HBS1L: variants seen among roughly 807,000 people sequenced by gnomAD.
HBS1L encodes HBS1-like protein.
Under a neutral mutation model 88.9 loss-of-function variants are expected in HBS1L, and 55 were observed. The ratio of observed to expected loss-of-function variants is 0.62; its 90% CI spans 0.50 to 0.77. The LOEUF (loss-of-function observed/expected upper bound fraction) is 0.77. Ranked by LOEUF, HBS1L falls within the 30% of genes least tolerant of loss-of-function variation. The pLI, the probability that HBS1L is intolerant of heterozygous loss-of-function variation, is 0.00. For missense variants in HBS1L, 741 were observed against 829.3 expected, an observed-to-expected ratio of 0.89 and a Z score of 1.31; for synonymous variants, 267 against 288.5, an observed-to-expected ratio of 0.93 and a Z score of 0.76.
At chr6:135,052,477 C>T (rs1777116635) in intron 1 of HBS1L, among the ~76,000 whole-genome samples, 1 of 151,388 alleles carries the variant, frequency 6.6e-6, no homozygotes, top group Admixed American at 6.6e-5. Context: ...GAGGCTGAGG[C>T]ACGAGGATTG....
intron 4 of HBS1L, among the ~76,000 whole-genome samples, chr6:135,035,265 CA>C (rs1776499437): frequency 1.3e-5 from 2 of 152,012 alleles, no homozygotes; most frequent in African/African-American, 4.8e-5. Context: ...TCCTGGCCAA[CA>C]TGGTGAAACC....
chr6:134,991,218 G>A (rs555212501), intron 8 of HBS1L, among the ~76,000 whole-genome samples: 2 of 152,254 alleles, frequency 1.3e-5, no homozygotes, highest in South Asian at 4.1e-4. Context: ...ATCTATGAAT[G>A]CTTAAGTCCC....
rs185326224 is a variant in HBS1L, at chr6:135,025,212, G to A, written c.430+14361C>T. On this transcript the variant is annotated intron_variant, in intron 4 of 17. Transcript: ENST00000367837. Reference sequence around the variant, plus strand: ...AGAAAACTGTACTTTCAAAAAAGTAGGAAACAGTCATAACACCAAAGCACA... The same window carrying A: ...AGAAAACTGTACTTTCAAAAAAGTAAGAAACAGTCATAACACCAAAGCACA... 9.5e-4 allele frequency among the ~76,000 whole-genome samples: 144 copies of A among 152,230 alleles called. 1 individual carries two copies. Among genetic ancestry groups the A allele is most frequent in the African/African-American group, 3.3e-3 (139 of 41,536 alleles).
intron 3 of HBS1L, among the ~76,000 whole-genome samples, chr6:135,040,369 G>A (rs1237089355): frequency 2.7e-5 from 1 of 37,446 alleles, no homozygotes; most frequent in African/African-American, 1.2e-4. Flanking sequence ...TTTTTTTTTT[G>A]AGACAGAGTC....
intron 4 of HBS1L, among the ~76,000 whole-genome samples, chr6:135,011,117 C>A (rs1775760482): frequency 6.6e-6 from 1 of 152,090 alleles, no homozygotes; most frequent in Non-Finnish European, 1.5e-5. Flanking sequence ...TACAGCATAT[C>A]ATATATAAAT....
At chr6:134,991,805 C>T (rs879774492) in intron 8 of HBS1L, among the ~76,000 whole-genome samples, 4 of 152,196 alleles carry the variant, frequency 2.6e-5, no homozygotes, top group Admixed American at 2.6e-4. Context: ...CACAGTGGCT[C>T]ATGCCTGTAA....
intron 15 of HBS1L, among the ~76,000 whole-genome samples, chr6:134,973,929 A>G (rs563777166): frequency 6.6e-5 from 10 of 152,118 alleles, no homozygotes; most frequent in African/African-American, 2.4e-4. Flanking sequence ...GGTAAGTTCT[A>G]TGTCACATAT....
Position 134,965,337 on chromosome 6 carries a change from C to T in HBS1L, c.2044-47G>A, listed in dbSNP as rs759137380. 3.4e-5 allele frequency: 44 copies of T among 1,287,316 alleles called. 1 individual carries two copies. The highest frequency in any genetic ancestry group is 4.5e-5 in the Non-Finnish European group (41 of 903,014). 79.7% of individuals were successfully genotyped at this position (1,287,316 alleles called of 1,614,324 possible). ...AGACATTTGCTGTAATTTAATCAATCACATTATAAGAACAACAAAGGGAAA... is the reference window on the plus strand; with the variant it reads ...AGACATTTGCTGTAATTTAATCAATTACATTATAAGAACAACAAAGGGAAA... On this transcript the variant is annotated intron_variant, in intron 17 of 17. Coordinates refer to ENST00000367837, the MANE Select transcript of HBS1L (RefSeq NM_006620.4).
In HBS1L at chr6:134,987,776, A is replaced by C; in HGVS notation, c.1099T>G (p.Leu367Val). The C allele has an allele frequency of 6.3e-7, 1 of 1,593,534 alleles. No homozygotes were observed. The highest frequency in any genetic ancestry group is 8.5e-7 in the Non-Finnish European group (1 of 1,170,942). The change falls in exon 9 of 18, where the codon TTA becomes GTA. Residue 367 changes from leucine (L) to valine (V), a missense_variant. By Grantham distance (32) the Leu-to-Val change is conservative. This residue lies in a region of HBS1L where 556 missense variants were observed against 598.4 expected (regional missense o/e 0.93). Transcript: ENST00000367837. Reference protein sequence around the residue: ...TGAAQADVAVLVVDASRGEFE... With the variant: ...TGAAQADVAVVVVDASRGEFE... ...TCTCCCCTGCTGGCATCTACAACTA[A>C]AACAGCTACATCCGCCTAAAGAAGA...
chr6:135,052,189 T>C (rs1011691901), intron 1 of HBS1L, among the ~76,000 whole-genome samples: 2 of 152,192 alleles, frequency 1.3e-5, no homozygotes, highest in African/African-American at 4.8e-5. Context: ...AATGCTACTA[T>C]TGGGCAAAAA....
intron 2 of HBS1L, among the ~76,000 whole-genome samples, chr6:135,048,155 G>A (rs763962136): frequency 3.0e-4 from 45 of 152,146 alleles, no homozygotes; most frequent in Non-Finnish European, 5.3e-4. Flanking sequence ...AAGGGACACC[G>A]GAAAGCCAGA....
At chr6:134,973,509 T>C (rs1774552442) in intron 15 of HBS1L, among the ~76,000 whole-genome samples, 2 of 152,186 alleles carry the variant, frequency 1.3e-5, no homozygotes, top group Non-Finnish European at 1.5e-5. Flanking sequence ...GAAGAAGTTC[T>C]GCAGATGAAT....
chr6:135,000,635 C>T (rs1396205827), intron 5 of HBS1L, among the ~76,000 whole-genome samples: 1 of 151,614 alleles, frequency 6.6e-6, no homozygotes, highest in Non-Finnish European at 1.5e-5. Context: ...ATGCATTATG[C>T]ACTATCCTTT....
intron 15 of HBS1L, among the ~76,000 whole-genome samples, chr6:134,973,637 G>A (rs1324371566): frequency 2.6e-5 from 4 of 152,116 alleles, no homozygotes; most frequent in Non-Finnish European, 5.9e-5. Flanking sequence ...CCAACATGGT[G>A]AAACCCCGTC....
intron 1 of HBS1L, among the ~76,000 whole-genome samples, chr6:135,051,351 TG>T (rs1354255043): frequency 6.6e-6 from 1 of 152,096 alleles, no homozygotes; most frequent in Non-Finnish European, 1.5e-5. Context: ...CCACAGAACA[TG>T]GGGGTATATA....
rs190014485 is a variant in HBS1L at position 135,037,470 on chromosome 6, C to T, written c.430+2103G>A. ...AATTATCAACAGTCATATTTTCCAA[C>T]GAGCTAGTTAAGTACAAAGGATTAT... On this transcript the variant is annotated intron_variant, in intron 4 of 17. Coordinates refer to ENST00000367837, the MANE Select transcript of HBS1L (RefSeq NM_006620.4). 3,565 of 1,549,084 alleles carry T rather than the reference C, an allele frequency of 2.3e-3. 77 individuals carry two copies. Among genetic ancestry groups the T allele is most frequent in the Non-Finnish European group, 4.1e-4 (472 of 1,145,498 alleles).
intron 8 of HBS1L, among the ~76,000 whole-genome samples, chr6:134,992,729 TA>T (rs1476489996): frequency 3.9e-5 from 6 of 152,050 alleles, no homozygotes; most frequent in African/African-American, 9.7e-5. Context: ...GTCAGAAAGT[TA>T]AAAAAAATTT....
chr6:134,992,715 G>A (rs573776042), intron 8 of HBS1L, among the ~76,000 whole-genome samples: 53 of 152,202 alleles, frequency 3.5e-4, no homozygotes, highest in African/African-American at 1.3e-3. Context: ...GTTATTATAA[G>A]AGAGTCAGAA....
chr6:134,969,099 C>A, intron 16 of HBS1L, 139 bp downstream of exon 16: 1 of 624,892 alleles, frequency 1.6e-6, no homozygotes, highest in South Asian at 2.0e-5. Flanking sequence ...TTGTTTTAAT[C>A]TAGCCCTTGA....
Sources: allele counts gnomAD v4.1 joint callset (sites outside exome capture counted in the v4.1 genomes callset), GRCh38; gene constraint gnomAD v4.1.1; regional missense constraint gnomAD v4.1.1; transcripts MANE v1.5; gene names NCBI Gene and HGNC (gene_info 2026-07-23, HGNC 2026-07-21).